RBMS2: variants seen among roughly 807,000 people sequenced by gnomAD.
RBMS2 encodes RNA binding motif single stranded interacting protein 2.
A neutral mutation model predicts 58.4 loss-of-function variants in RBMS2; 38 were observed. The observed-to-expected ratio is 0.65, with a 90% confidence interval of 0.50 to 0.85. RBMS2 has a LOEUF of 0.85. Among genes scored for constraint, RBMS2 ranks in the 40% least tolerant of loss-of-function variants. The pLI is 0.00. For synonymous variants in RBMS2, 151 were observed against 180.7 expected, an observed-to-expected ratio of 0.84 and a Z score of 1.32; for missense variants, 367 against 503.7, an observed-to-expected ratio of 0.73 and a Z score of 2.60.
intron 1 of RBMS2, among the ~76,000 whole-genome samples, chr12:56,526,874 T>A (rs1483578654): frequency 6.6e-6 from 1 of 152,126 alleles, no homozygotes; most frequent in Non-Finnish European, 1.5e-5. Context: ...TATTATAATT[T>A]AACTCCTCAT....
At chr12:56,548,909 T>C (rs1592379888) in intron 1 of RBMS2, among the ~76,000 whole-genome samples, 1 of 152,154 alleles carries the variant, frequency 6.6e-6, no homozygotes, top group South Asian at 2.1e-4. Flanking sequence ...ATGACTTTGA[T>C]GGCAAATGAA....
In RBMS2 at chr12:56,562,701, T is replaced by TCTCA. The variant is rs35580823; in HGVS notation, c.233+119_233+122dup. ...CTCCTGGGCTCAAGTGATCCTCCTG[T>TCTCA]CTCAGTAGCTGGGATTACAGATGCA... On this transcript the variant is annotated intron_variant, in intron 2 of 13. Coordinates refer to ENST00000262031, the MANE Select transcript of RBMS2 (RefSeq NM_002898.4). 54 of 1,159,324 alleles carry TCTCA rather than the reference T, an allele frequency of 4.7e-5. 1 individual carries two copies. In the South Asian group the frequency reaches 7.8e-4, roughly 17 times the overall value. 71.8% of individuals were successfully genotyped at this position (1,159,324 alleles called of 1,614,324 possible).
At chr12:56,573,147 C>A in intron 5 of RBMS2, 3 of 984,784 alleles carry the variant, frequency 3.0e-6, no homozygotes, top group Non-Finnish European at 2.4e-6. Context: ...GTGAACACCC[C>A]CTTACTCTGA....
chr12:56,558,590 CTTT>C (rs10676323), intron 1 of RBMS2, among the ~76,000 whole-genome samples: 2 of 92,196 alleles, frequency 2.2e-5, no homozygotes, highest in Non-Finnish European at 3.9e-5. Context: ...TTTCTTTTTC[CTTT>C]TTTTTTTTTT....
intron 1 of RBMS2, among the ~76,000 whole-genome samples, chr12:56,527,205 A>G (rs1872808199): frequency 6.6e-6 from 1 of 152,198 alleles, no homozygotes; most frequent in Non-Finnish European, 1.5e-5. Context: ...TTTTCCTTCT[A>G]GTTTCCATCA....
At chr12:56,585,640 GTCA>G (rs1316168052) in intron 9 of RBMS2, among the ~76,000 whole-genome samples, 3 of 152,012 alleles carry the variant, frequency 2.0e-5, no homozygotes, top group Non-Finnish European at 2.9e-5. Flanking sequence ...TTATCAATTG[GTCA>G]TCATTTAAGT....
intron 2 of RBMS2, among the ~76,000 whole-genome samples, chr12:56,564,327 TC>T (rs1880959413): frequency 6.6e-6 from 1 of 152,058 alleles, no homozygotes; most frequent in African/African-American, 2.4e-5. Context: ...ACCTCCTCTG[TC>T]CCCCTGCATG....
rs1884768864 is a variant in RBMS2 at position 56,587,055 on chromosome 12, C to T, written c.951+129C>T. ...CCAAGGCAGGCAAATCACCTGAGGT[C>T]AGGAGTTCGAGACCAGCCTGGCCAA... On this transcript the variant is annotated intron_variant, in intron 10 of 13. Coordinates refer to ENST00000262031, the MANE Select transcript of RBMS2 (RefSeq NM_002898.4). 1.1e-5 allele frequency: 10 copies of T among 938,310 alleles called. No individual in the cohort carries two copies. In the South Asian group the frequency reaches 1.4e-4, roughly 13 times the overall value. 58.1% of individuals were successfully genotyped at this position (938,310 alleles called of 1,614,324 possible).
At chr12:56,550,832 A>G (rs1177161807) in intron 1 of RBMS2, among the ~76,000 whole-genome samples, 1 of 151,442 alleles carries the variant, frequency 6.6e-6, no homozygotes, top group Non-Finnish European at 1.5e-5. Flanking sequence ...ACAGAGCAAG[A>G]CTCTGTATCA....
At chr12:56,556,651 T>G (rs1164970793) in intron 1 of RBMS2, among the ~76,000 whole-genome samples, 1 of 152,088 alleles carries the variant, frequency 6.6e-6, no homozygotes. Context: ...GCTGGGATTA[T>G]GGGTGTGAGC....
At chr12:56,589,090 A>T in intron 13 of RBMS2, 50 bp from the exon 14 acceptor site, 1 of 1,608,614 alleles carries the variant, frequency 6.2e-7, no homozygotes, top group Admixed American at 1.7e-5. Context: ...CTGAAGTCAG[A>T]CAGGTTCTCA....
chr12:56,573,983 G>GTA (rs1283135697), intron 5 of RBMS2, among the ~76,000 whole-genome samples: 5 of 152,166 alleles, frequency 3.3e-5, no homozygotes, highest in Admixed American at 2.0e-4. Context: ...TGGGATTACA[G>GTA]GCGCCCGCCA....
intron 1 of RBMS2, among the ~76,000 whole-genome samples, chr12:56,539,535 C>G (rs1875675774): frequency 6.6e-6 from 1 of 152,056 alleles, no homozygotes; most frequent in Admixed American, 6.6e-5. Flanking sequence ...AGTATTATTT[C>G]TAGCTAAGCT....
In RBMS2 at chr12:56,569,968, G is replaced by T. The variant is rs1882013987; in HGVS notation, c.362G>T (p.Gly121Val). The change falls in exon 4 of 14, where the codon GGT becomes GTT. Residue 121 changes from glycine (G) to valine (V), a missense_variant. Physicochemically the swap from Gly to Val is moderately radical, Grantham distance 109 (BLOSUM62 -3). Coordinates refer to ENST00000262031, the MANE Select transcript of RBMS2 (RefSeq NM_002898.4). Reference sequence around the variant, plus strand: ...GCTGTAACAGCACTGAAGGCCAGCGGTGTACAGGCACAGATGGCAAAGGTA... The same window carrying T: ...GCTGTAACAGCACTGAAGGCCAGCGTTGTACAGGCACAGATGGCAAAGGTA... The part of the protein sequence containing the change: ...QKAVTALKAS[G>V]VQAQMAKQQE... 1.9e-6 allele frequency: 3 copies of T among 1,613,494 alleles called. No individual in the cohort carries two copies. The highest frequency in any genetic ancestry group is 2.5e-6 in the Non-Finnish European group (3 of 1,179,428).
chr12:56,587,617 C>T lies in RBMS2; in HGVS notation c.1015C>T (p.Pro339Ser), dbSNP rs1054058727. ...ISLQPASMMG[P>S]LTQQLGHLSL... The stretch of plus-strand genomic sequence containing the variant: ...TCTCCAGCCTGCCTCCATGATGGGA[C>T]CCCTTACCCAGCAACTGGGCCATCT... The change falls in exon 11 of 14, where the codon CCC (proline) becomes TCC (serine). Residue 339 changes from proline to serine, a missense_variant. Around this residue, in one of 3 missense-constraint regions of RBMS2, gnomAD observed 220 missense variants for 261.1 expected, o/e 0.84. Coordinates refer to ENST00000262031, the MANE Select transcript of RBMS2 (RefSeq NM_002898.4). 8 of 1,614,020 alleles carry T rather than the reference C, an allele frequency of 5.0e-6. No individual in the cohort carries two copies. Among genetic ancestry groups the T allele is most frequent in the Non-Finnish European group, 5.9e-6 (7 of 1,179,914 alleles).
At chr12:56,544,760 T>G (rs891545086) in intron 1 of RBMS2, among the ~76,000 whole-genome samples, 2 of 139,030 alleles carry the variant, frequency 1.4e-5, no homozygotes, top group African/African-American at 5.4e-5. Context: ...TTTAATTTTT[T>G]TTTTTTTCTT....
intron 1 of RBMS2, among the ~76,000 whole-genome samples, chr12:56,523,304 G>A (rs1335950717): frequency 2.0e-5 from 3 of 152,172 alleles, no homozygotes; most frequent in African/African-American, 7.2e-5. Context: ...AGATGATAAA[G>A]TTGTACTGTA....
intron 2 of RBMS2, among the ~76,000 whole-genome samples, chr12:56,566,208 C>T (rs972655110): frequency 3.9e-5 from 6 of 152,064 alleles, no homozygotes; most frequent in African/African-American, 1.4e-4. Flanking sequence ...AGTGAGATGC[C>T]GCCAAGGAGT....
chr12:56,530,781 C>T (rs897208793), intron 1 of RBMS2, among the ~76,000 whole-genome samples: 7 of 152,136 alleles, frequency 4.6e-5, no homozygotes, highest in Non-Finnish European at 1.0e-4. Flanking sequence ...ATCTTTTTGT[C>T]GTTCTTGTGC....
Sources: gnomAD v4.1 joint callset for allele counts (sites outside exome capture counted in the v4.1 genomes callset) on GRCh38, gnomAD v4.1.1 for gene constraint, gnomAD v4.1.1 regional missense constraint, MANE v1.5 for transcripts, NCBI Gene and HGNC (gene_info 2026-07-23, HGNC 2026-07-21) for gene names.